Variants in PARM1 observed in about 807,000 individuals in gnomAD.
The protein encoded by PARM1 is prostate androgen-regulated mucin-like protein 1, also known as WSC4, cell wall integrity and stress response component 4 homolog.
Under a neutral mutation model 24.6 loss-of-function variants are expected in PARM1, and 14 were observed. The observed-to-expected ratio is 0.57, with a 90% CI of 0.38 to 0.89. PARM1 has a LOEUF of 0.89. Ranked by LOEUF, PARM1 falls within the 40% of genes least tolerant of loss-of-function variation. The pLI, the probability that PARM1 is intolerant of heterozygous loss-of-function variation, is 0.00. For synonymous variants in PARM1, 179 were observed against 156.6 expected (o/e 1.14, Z -1.07); for missense variants, 362 against 380.4 (o/e 0.95, Z 0.40).
At chr4:74,993,327 A>AG (rs1722514164) in intron 1 of PARM1, among the ~76,000 whole-genome samples, 1 of 152,014 alleles carries the variant, frequency 6.6e-6, no homozygotes, top group Non-Finnish European at 1.5e-5. Flanking sequence ...TCTGCCAACC[A>AG]CTGTATGAAT....
intron 1 of PARM1, among the ~76,000 whole-genome samples, chr4:74,987,592 T>C (rs1039687459): frequency 6.6e-6 from 1 of 152,186 alleles, no homozygotes; most frequent in Non-Finnish European, 1.5e-5. Context: ...AATTAAAATA[T>C]TCAAGGTGTT....
At chr4:74,960,445 C>T (rs544790661) in intron 1 of PARM1, among the ~76,000 whole-genome samples, 26 of 152,114 alleles carry the variant, frequency 1.7e-4, no homozygotes, top group Middle Eastern at 3.4e-3. Context: ...AAAAACTAAC[C>T]GAGAAGACCT....
chr4:75,030,083 A>T (rs1461760142), intron 2 of PARM1, among the ~76,000 whole-genome samples: 3 of 152,188 alleles, frequency 2.0e-5, no homozygotes, highest in Non-Finnish European at 2.9e-5. Flanking sequence ...GCTTGAAAGA[A>T]ATTGATGCTG....
rs918538621 is a variant in PARM1 at position 74,940,439 on chromosome 4, C to T, written c.43+7069C>T. On this transcript the variant is annotated intron_variant, in intron 1 of 3. Transcript: ENST00000307428. ...AAGATCAGGGCATCTGCAGGTTCTGCGTCTGGAGGGGGCTGTCTTTCTGGT... is the reference window on the plus strand; with the variant it reads ...AAGATCAGGGCATCTGCAGGTTCTGTGTCTGGAGGGGGCTGTCTTTCTGGT... 2.6e-5 allele frequency among the ~76,000 whole-genome samples: 4 copies of T among 152,300 alleles called. No homozygotes were observed. In the South Asian group the frequency reaches 6.2e-4, roughly 24 times the overall value.
intron 1 of PARM1, among the ~76,000 whole-genome samples, chr4:74,974,171 C>T (rs1722097286): frequency 6.6e-6 from 1 of 152,194 alleles, no homozygotes; most frequent in Admixed American, 6.5e-5. Context: ...TTCAGGCTCG[C>T]CACGGATTGG....
At chr4:74,967,025 C>T (rs1721919012) in intron 1 of PARM1, 1 of 152,154 alleles carries the variant, frequency 6.6e-6, no homozygotes, top group South Asian at 2.1e-4. Context: ...CCTTTCCAGT[C>T]AAAAGATCCT....
intron 1 of PARM1, among the ~76,000 whole-genome samples, chr4:74,964,632 A>T (rs995762303): frequency 3.3e-5 from 5 of 151,856 alleles, no homozygotes; most frequent in Non-Finnish European, 7.4e-5. Flanking sequence ...CTTTTAATAC[A>T]CTTCATTTTT....
intron 1 of PARM1, among the ~76,000 whole-genome samples, chr4:74,986,712 T>C (rs1353574805): frequency 6.6e-6 from 1 of 152,162 alleles, no homozygotes; most frequent in African/African-American, 2.4e-5. Flanking sequence ...AACTGAAACA[T>C]CTGAAATTGT....
chr4:74,991,394 A>G (rs930062067), intron 1 of PARM1, among the ~76,000 whole-genome samples: 11 of 152,124 alleles, frequency 7.2e-5, no homozygotes, highest in Non-Finnish European at 1.5e-5. Context: ...TTTCCAGGCT[A>G]GCGTTGAGGG....
chr4:75,033,341 A>G (rs536133163), intron 2 of PARM1, among the ~76,000 whole-genome samples: 5 of 152,230 alleles, frequency 3.3e-5, no homozygotes, highest in Non-Finnish European at 7.3e-5. Flanking sequence ...CATTAAAATT[A>G]GTGCATTTCC....
chr4:74,977,780 C>T (rs993443557), intron 1 of PARM1, among the ~76,000 whole-genome samples: 6 of 152,012 alleles, frequency 3.9e-5, no homozygotes, highest in African/African-American at 1.2e-4. Flanking sequence ...CAGTGGAAAC[C>T]CTACAAGCAA....
chr4:74,947,827 TAA>T (rs1721438378), intron 1 of PARM1, among the ~76,000 whole-genome samples: 1 of 152,208 alleles, frequency 6.6e-6, no homozygotes, highest in Non-Finnish European at 1.5e-5. Flanking sequence ...TAAGAAGTTT[TAA>T]AATGAGTCCT....
chr4:74,992,083 A>G (rs1359260777), intron 1 of PARM1, among the ~76,000 whole-genome samples: 2 of 152,118 alleles, frequency 1.3e-5, no homozygotes, highest in Non-Finnish European at 2.9e-5. Flanking sequence ...TGAATAGGGC[A>G]AGGTGTGTAG....
At chr4:75,025,887 C>T (rs1723174637) in intron 2 of PARM1, among the ~76,000 whole-genome samples, 1 of 152,196 alleles carries the variant, frequency 6.6e-6, no homozygotes, top group Admixed American at 6.5e-5. Flanking sequence ...AATCCCAATT[C>T]TGCCCACTAA....
rs1029575340 is a variant in PARM1, at chr4:74,940,147, C to A, written c.43+6777C>A. Among the ~76,000 whole-genome samples the A allele has an allele frequency of 1.3e-5, 2 of 152,154 alleles. 1 individual carries two copies. Among genetic ancestry groups the A allele is most frequent in the South Asian group, 4.1e-4 (2 of 4,826 alleles). ...CTTATATTTCCTAATACGAAGTTAA[C>A]AAAATACATGTTACCTTTTATGTTG... On this transcript the variant is annotated intron_variant, in intron 1 of 3. Coordinates refer to ENST00000307428, the MANE Select transcript of PARM1 (RefSeq NM_015393.4).
chr4:74,966,147 C>T (rs1721896293), intron 1 of PARM1, among the ~76,000 whole-genome samples: 1 of 152,192 alleles, frequency 6.6e-6, no homozygotes, highest in African/African-American at 2.4e-5. Context: ...CCTTGCTGAA[C>T]TTAAGCTCCT....
chr4:74,948,135 A>G (rs62314872), intron 1 of PARM1, among the ~76,000 whole-genome samples: 4,512 of 152,218 alleles, frequency 0.03, 85 homozygotes, highest in Non-Finnish European at 0.045. Flanking sequence ...TGTTCTTCAC[A>G]TGTCAGCCCT....
At chr4:75,038,752 TTTAA>T (rs1414357008) in intron 3 of PARM1, among the ~76,000 whole-genome samples, 1 of 152,236 alleles carries the variant, frequency 6.6e-6, no homozygotes, top group Admixed American at 6.5e-5. Flanking sequence ...CAGAACTATC[TTTAA>T]TTAGTGATGA....
At chr4:74,997,281 CT>C (rs1239513094) in intron 1 of PARM1, among the ~76,000 whole-genome samples, 40 of 152,178 alleles carry the variant, frequency 2.6e-4, no homozygotes, top group Non-Finnish European at 2.9e-5. Context: ...CACCCATTTC[CT>C]TCTGAGTAGC....
Sources: allele counts gnomAD v4.1 joint callset (sites outside exome capture counted in the v4.1 genomes callset), GRCh38; gene constraint gnomAD v4.1.1; transcripts MANE v1.5; gene names NCBI Gene and HGNC (gene_info 2026-07-23, HGNC 2026-07-21).